The following CHRNA7 variants were observed in gnomAD, a reference collection of about 807,000 sequenced individuals.
CHRNA7 encodes neuronal acetylcholine receptor subunit alpha-7.
CHRNA7 carries 17 observed loss-of-function variants against 48.0 expected under a neutral mutation model. The observed-to-expected ratio is 0.35, with a 90% CI of 0.24 to 0.53. The LOEUF is 0.53. Ranked by LOEUF, CHRNA7 falls within the 20% of genes least tolerant of loss-of-function variation. The probability of loss-of-function intolerance (pLI) is 0.92; values close to 1 mark genes in which losing one functional copy is unlikely to be tolerated. For missense variants in CHRNA7, 155 were observed against 577.7 expected (o/e 0.27, Z 7.50); for synonymous variants, 75 against 242.3 (o/e 0.31, Z 6.41).
chr15:32,050,900 C>T (rs2141187361), intron 2 of CHRNA7, among the ~76,000 whole-genome samples: 1 of 152,288 alleles, frequency 6.6e-6, no homozygotes, highest in East Asian at 1.9e-4. Context: ...TTGGAGTTTG[C>T]TAGAGGTCCA....
intron 2 of CHRNA7, among the ~76,000 whole-genome samples, chr15:32,032,029 A>AAGGTAAG (rs1327399725): frequency 7.9e-5 from 12 of 152,172 alleles, no homozygotes; most frequent in Non-Finnish European, 8.8e-5. Context: ...AAAGTGGAAA[A>AAGGTAAG]AGGTAAGAGG....
chr15:32,129,389 A>G (rs2051119574), intron 4 of CHRNA7, among the ~76,000 whole-genome samples: 1 of 151,954 alleles, frequency 6.6e-6, no homozygotes. Context: ...GGATGTGGAG[A>G]TACCTTTTTA....
At chr15:32,142,611 A>G (rs1285999763) in intron 4 of CHRNA7, among the ~76,000 whole-genome samples, 2 of 152,192 alleles carry the variant, frequency 1.3e-5, no homozygotes, top group Non-Finnish European at 2.9e-5. Flanking sequence ...TTGTTAGTCT[A>G]TTCAGAGATT....
At chr15:32,109,136 C>G (rs936741899) in intron 3 of CHRNA7, among the ~76,000 whole-genome samples, 1 of 152,162 alleles carries the variant, frequency 6.6e-6, no homozygotes, top group African/African-American at 2.4e-5. Context: ...AGAGCAGCCC[C>G]GAAGGCTGCT....
intron 2 of CHRNA7, among the ~76,000 whole-genome samples, chr15:32,048,034 G>T (rs1424344472): frequency 2.0e-5 from 3 of 152,184 alleles, no homozygotes; most frequent in Non-Finnish European, 4.4e-5. Context: ...CTTGATCATG[G>T]TGGATAAGCT....
rs559805275 is a variant in CHRNA7 at position 32,109,747 on chromosome 15, C to A, written c.241-2043C>A. ...AATGGAAGCAGTCATATCACTGACCCCCCCGAACTATGGTGAGTCTGCTAT... is the reference window on the plus strand; with the variant it reads ...AATGGAAGCAGTCATATCACTGACCACCCCGAACTATGGTGAGTCTGCTAT... On this transcript the variant is annotated intron_variant, in intron 3 of 9. Transcript: ENST00000306901. Among the ~76,000 whole-genome samples the A allele has an allele frequency of 5.9e-5, 9 of 152,298 alleles. No homozygotes were observed. The South Asian group carries it at 1.9e-3, about 32-fold the overall frequency.
At chr15:32,074,805 G>T (rs529962269) in intron 2 of CHRNA7, among the ~76,000 whole-genome samples, 2 of 151,732 alleles carry the variant, frequency 1.3e-5, no homozygotes, top group Non-Finnish European at 2.9e-5. Context: ...CCGCCACCAC[G>T]CCCAGCTAAT....
intron 4 of CHRNA7, among the ~76,000 whole-genome samples, chr15:32,120,297 G>T (rs1431658759): frequency 6.6e-6 from 1 of 152,132 alleles, no homozygotes; most frequent in Non-Finnish European, 1.5e-5. Context: ...AAAGCAGAGA[G>T]ATCCCCTTTC....
chr15:32,037,228 TC>T (rs1189194697), intron 2 of CHRNA7, among the ~76,000 whole-genome samples: 24 of 152,192 alleles, frequency 1.6e-4, no homozygotes, highest in African/African-American at 5.5e-4. Context: ...TTGTCAAAGA[TC>T]AGCTGATTAT....
At chr15:32,046,045 C>T (rs2049538519) in intron 2 of CHRNA7, among the ~76,000 whole-genome samples, 1 of 151,592 alleles carries the variant, frequency 6.6e-6, no homozygotes, top group Non-Finnish European at 1.5e-5. Context: ...ATATGTGCCA[C>T]ATTTTCTTAA....
chr15:32,106,333 C>G (rs923498586), intron 3 of CHRNA7, among the ~76,000 whole-genome samples: 2 of 152,124 alleles, frequency 1.3e-5, no homozygotes, highest in Non-Finnish European at 2.9e-5. Flanking sequence ...TATTTAAACT[C>G]TGCAAATGAT....
At position 32,080,981 on chromosome 15, in the gene CHRNA7, C is replaced by T. The variant is rs59442881; in HGVS notation, c.196-20322C>T. Among the ~76,000 whole-genome samples the T allele has an allele frequency of 1.8e-3, 270 of 152,236 alleles. 1 individual carries two copies. Among genetic ancestry groups the T allele is most frequent in the African/African-American group, 6.2e-3 (257 of 41,526 alleles). On this transcript the variant is annotated intron_variant, in intron 2 of 9. Transcript: ENST00000306901. ...CCATAAAAAGAAATGAGATCATGTC[C>T]TCTACAGGTACATGGATGAAGCTGG... is the stretch of plus-strand genomic sequence containing the variant.
At position 32,119,242 on chromosome 15, in the gene CHRNA7, C is replaced by T. The variant is rs117689401; in HGVS notation, c.350+7343C>T. 1.8e-4 allele frequency among the ~76,000 whole-genome samples: 28 copies of T among 152,288 alleles called. No individual in the cohort carries two copies. In the East Asian group the frequency reaches 5.2e-3, roughly 28 times the overall value. On this transcript the variant is annotated intron_variant, in intron 4 of 9. Coordinates refer to ENST00000306901, the MANE Select transcript of CHRNA7 (RefSeq NM_000746.6). ...TGTTGACAGATTCAGATCAGTGTGC[C>T]TGGTTGTCTTTGTATGTGTCTGCTT...
intron 2 of CHRNA7, among the ~76,000 whole-genome samples, chr15:32,067,385 T>A (rs1487990917): frequency 6.6e-6 from 1 of 152,236 alleles, no homozygotes; most frequent in Non-Finnish European, 1.5e-5. Flanking sequence ...TTCAAAGTGC[T>A]GGAAGAAAAG....
intron 4 of CHRNA7, among the ~76,000 whole-genome samples, chr15:32,113,946 C>T (rs1282752965): frequency 6.7e-6 from 1 of 149,880 alleles, no homozygotes; most frequent in Admixed American, 6.7e-5. Context: ...AGAAGGATCC[C>T]TTGAGCCCAG....
rs548696193 is a variant in CHRNA7, at chr15:32,101,545, T to C, written c.240+198T>C. The C allele has an allele frequency of 1.2e-4, 71 of 594,758 alleles. 1 individual carries two copies. The highest frequency in any genetic ancestry group is 9.8e-4 in the South Asian group (40 of 40,936). The allele number at this position is 594,758 out of a possible 1,614,324, so 36.8% of individuals were successfully genotyped here. On this transcript the variant is annotated intron_variant, in intron 3 of 9. Transcript: ENST00000306901. ...GGCTGTATGACACTACAGTCTGCAGTGCTCAACACATGCACAAGATCAACA... is the reference window on the plus strand; with the variant it reads ...GGCTGTATGACACTACAGTCTGCAGCGCTCAACACATGCACAAGATCAACA...
chr15:32,144,218 C>A (rs905003144), intron 4 of CHRNA7, among the ~76,000 whole-genome samples: 8 of 152,170 alleles, frequency 5.3e-5, no homozygotes, highest in African/African-American at 9.7e-5. Context: ...GTTGAAAATT[C>A]TTTAAGAATG....
intron 4 of CHRNA7, among the ~76,000 whole-genome samples, chr15:32,126,842 C>T (rs1455239956): frequency 6.6e-6 from 1 of 152,130 alleles, no homozygotes; most frequent in Non-Finnish European, 1.5e-5. Flanking sequence ...TTAAATAACT[C>T]TAGTGTAATA....
chr15:32,114,748 T>C (rs1235864181), intron 4 of CHRNA7, among the ~76,000 whole-genome samples: 1 of 152,234 alleles, frequency 6.6e-6, no homozygotes, highest in Non-Finnish European at 1.5e-5. Flanking sequence ...TCCTCAGAAC[T>C]GAGTGACTTA....
Sources: allele counts gnomAD v4.1 joint callset (sites outside exome capture counted in the v4.1 genomes callset), GRCh38; gene constraint gnomAD v4.1.1; transcripts MANE v1.5; gene names NCBI Gene and HGNC (gene_info 2026-07-23, HGNC 2026-07-21).